SHISA9: variants seen among roughly 807,000 people sequenced by gnomAD.
SHISA9 encodes shisa family member 9, also known as protein shisa-9.
A neutral mutation model predicts 38.0 loss-of-function variants in SHISA9; 13 were observed. The observed-to-expected ratio is 0.34, with a 90% CI of 0.22 to 0.54. The LOEUF (loss-of-function observed/expected upper bound fraction) is 0.54, where lower values mean the gene tolerates loss of function less well. Ranked by LOEUF, SHISA9 falls within the 20% of genes least tolerant of loss-of-function variation. The probability of loss-of-function intolerance (pLI) is 0.91; values close to 1 mark genes in which losing one functional copy is unlikely to be tolerated. For synonymous variants in SHISA9, 275 were observed against 242.0 expected (o/e 1.14, Z -1.27); for missense variants, 538 against 575.8 (o/e 0.93, Z 0.67).
the SHISA9 span, among the ~76,000 whole-genome samples, chr16:13,385,907 C>A: frequency 3.9e-5 from 6 of 152,126 alleles, no homozygotes; most frequent in African/African-American, 1.4e-4. Flanking sequence ...CCAAAAATGC[C>A]ACATACAATA....
chr16:13,272,691 A>G, the SHISA9 span, among the ~76,000 whole-genome samples: 2 of 152,216 alleles, frequency 1.3e-5, no homozygotes, highest in African/African-American at 4.8e-5. Context: ...GATACCAGTT[A>G]TGTGAGGATT....
At chr16:12,964,787 T>G (rs1567354670) in intron 2 of SHISA9, among the ~76,000 whole-genome samples, 1 of 152,204 alleles carries the variant, frequency 6.6e-6, no homozygotes, top group Non-Finnish European at 1.5e-5. Flanking sequence ...CCCCTGAGAT[T>G]CTTGTTTCCC....
the SHISA9 span, among the ~76,000 whole-genome samples, chr16:13,413,033 GTACTC>G: frequency 6.6e-6 from 1 of 152,048 alleles, no homozygotes; most frequent in Admixed American, 6.6e-5. Context: ...ATTACACAAA[GTACTC>G]TAAGTGAACA....
intron 2 of SHISA9, among the ~76,000 whole-genome samples, chr16:13,013,322 T>C (rs1022645845): frequency 1.3e-5 from 2 of 152,196 alleles, no homozygotes; most frequent in Non-Finnish European, 2.9e-5. Context: ...CAAGGACGCC[T>C]ATAGCCCTTT....
At chr16:13,263,355 A>G in the SHISA9 span, among the ~76,000 whole-genome samples, 1 of 152,146 alleles carries the variant, frequency 6.6e-6, no homozygotes, top group Non-Finnish European at 1.5e-5. Flanking sequence ...AGGAGACTGG[A>G]TCACGGGGCG....
At chr16:13,312,784 T>A in the SHISA9 span, among the ~76,000 whole-genome samples, 1 of 152,178 alleles carries the variant, frequency 6.6e-6, no homozygotes, top group Non-Finnish European at 1.5e-5. Context: ...AATGTAAATT[T>A]TTTTTACTAG....
chr16:13,370,138 G>C, the SHISA9 span, among the ~76,000 whole-genome samples: 1 of 152,158 alleles, frequency 6.6e-6, no homozygotes, highest in Non-Finnish European at 1.5e-5. Context: ...GCTCAGTGGG[G>C]TATAAGGTAT....
chr16:13,148,689 G>GCGCGCGCA (rs6145754), intron 2 of SHISA9, among the ~76,000 whole-genome samples: 2 of 132,442 alleles, frequency 1.5e-5, no homozygotes, highest in African/African-American at 6.4e-5. Flanking sequence ...ACATACACAA[G>GCGCGCGCA]CACACACACA....
At chr16:12,962,987 G>C (rs187265207) in intron 2 of SHISA9, among the ~76,000 whole-genome samples, 1 of 152,080 alleles carries the variant, frequency 6.6e-6, no homozygotes, top group African/African-American at 2.4e-5. Context: ...CACAATTTCT[G>C]TTGCCCCATC....
chr16:13,114,259 G>A (rs1040684473), intron 2 of SHISA9, among the ~76,000 whole-genome samples: 2 of 151,876 alleles, frequency 1.3e-5, no homozygotes, highest in Non-Finnish European at 2.9e-5. Context: ...AAGGTCAGGA[G>A]ATCGAGACCA....
chr16:12,934,044 CAAAACAA>C (rs1260104454), intron 2 of SHISA9, among the ~76,000 whole-genome samples: 6 of 151,434 alleles, frequency 4.0e-5, no homozygotes, highest in African/African-American at 1.5e-4. Flanking sequence ...GCATTCTAGC[CAAAACAA>C]AAAACAAAAA....
chr16:13,424,041 T>C, the SHISA9 span, among the ~76,000 whole-genome samples: 28 of 152,354 alleles, frequency 1.8e-4, 3 homozygotes, highest in East Asian at 5.4e-3. Flanking sequence ...TTGAAGGCAA[T>C]TGATTTGTAA....
chr16:13,178,864 TTTG>T (rs2050754325), intron 2 of SHISA9, among the ~76,000 whole-genome samples: 1 of 152,146 alleles, frequency 6.6e-6, no homozygotes, highest in South Asian at 2.1e-4. Flanking sequence ...GTTGTTGTTG[TTTG>T]TTTTTTTCTG....
chr16:12,915,921 AG>A (rs779617708), intron 1 of SHISA9, among the ~76,000 whole-genome samples: 7 of 150,974 alleles, frequency 4.6e-5, no homozygotes, highest in Non-Finnish European at 7.4e-5. Context: ...ATGCATTGGT[AG>A]GTCTGATCTT....
At chr16:13,518,452 C>A in the SHISA9 span, among the ~76,000 whole-genome samples, 4 of 152,270 alleles carry the variant, frequency 2.6e-5, no homozygotes, top group African/African-American at 4.8e-5. Flanking sequence ...ACCAGAAAAA[C>A]CTCTTTTTTT....
chr16:13,262,973 G>C, the SHISA9 span, among the ~76,000 whole-genome samples: 2 of 152,036 alleles, frequency 1.3e-5, no homozygotes, highest in East Asian at 3.9e-4. Context: ...AGACATGAGG[G>C]TCTCTTTTTT....
intron 1 of SHISA9, 142 bp downstream of exon 1, chr16:12,902,769 C>T (rs1290106449): frequency 7.8e-6 from 7 of 898,366 alleles, no homozygotes; most frequent in South Asian, 1.8e-5. Flanking sequence ...CACCGGGAAG[C>T]CAACTTCGGC....
the SHISA9 span, among the ~76,000 whole-genome samples, chr16:13,249,630 CTCTT>C: frequency 6.6e-6 from 1 of 152,090 alleles, no homozygotes; most frequent in Non-Finnish European, 1.5e-5. Context: ...CATTTTTTCT[CTCTT>C]TCTCTGTTTC....
intron 2 of SHISA9, among the ~76,000 whole-genome samples, chr16:13,030,984 G>T (rs2072983817): frequency 6.6e-6 from 1 of 152,186 alleles, no homozygotes; most frequent in Admixed American, 6.5e-5. Flanking sequence ...GGATTTGTGT[G>T]TATCCAAGTG....
Sources: gnomAD v4.1 joint callset for allele counts (sites outside exome capture counted in the v4.1 genomes callset) on GRCh38, gnomAD v4.1.1 for gene constraint, MANE v1.5 for transcripts, NCBI Gene and HGNC (gene_info 2026-07-23, HGNC 2026-07-21) for gene names.